NF1: variants seen among roughly 807,000 people sequenced by gnomAD.
NF1 encodes the protein neurofibromin.
Under a neutral mutation model 325.7 loss-of-function variants are expected in NF1, and 122 were observed. That is an observed-to-expected ratio of 0.37 (90% CI 0.32 to 0.44). The LOEUF (loss-of-function observed/expected upper bound fraction) is 0.44. NF1 is among the 20% of genes least tolerant of loss of function. The pLI is 1.00. For synonymous variants in NF1, 1,091 were observed against 1,186.0 expected, an observed-to-expected ratio of 0.92 and a Z score of 1.65; for missense variants, 2,140 against 3,415.4, an observed-to-expected ratio of 0.63 and a Z score of 9.31.
chr17:31,293,193 A>AAAAACAAAAAAAAAAAAAAAAAAAAAC (rs2068383253), intron 36 of NF1, among the ~76,000 whole-genome samples: 1 of 144,514 alleles, frequency 6.9e-6, no homozygotes. Flanking sequence ...AAAAAAAAAA[A>AAAAACAAAAAAAAAAAAAAAAAAAAAC]AAAAAAAAAA....
intron 56 of NF1, chr17:31,360,136 T>C (rs1293881180): frequency 2.9e-6 from 1 of 343,202 alleles, no homozygotes; most frequent in Middle Eastern, 1.0e-3. Context: ...GTCTAGTGAG[T>C]GGAATCTAAA....
At chr17:31,147,250 G>A (rs1916642145) in intron 1 of NF1, among the ~76,000 whole-genome samples, 2 of 152,084 alleles carry the variant, frequency 1.3e-5, no homozygotes, top group African/African-American at 4.8e-5. Flanking sequence ...CTGTTTTCCA[G>A]GGATCTATCC....
At chr17:31,280,848 T>G (rs1350662598) in intron 36 of NF1, among the ~76,000 whole-genome samples, 4 of 151,828 alleles carry the variant, frequency 2.6e-5, no homozygotes, top group Non-Finnish European at 5.9e-5. Context: ...TTTTTTTTTT[T>G]GCCATTTCTT....
At chr17:31,162,208 G>A (rs2065774435) in intron 3 of NF1, among the ~76,000 whole-genome samples, 1 of 152,080 alleles carries the variant, frequency 6.6e-6, no homozygotes, top group African/African-American at 2.4e-5. Flanking sequence ...CAGGCGTAGT[G>A]GCTCACGCCT....
chr17:31,346,729 CATT>C (rs1449920769), intron 48 of NF1, among the ~76,000 whole-genome samples: 1 of 150,276 alleles, frequency 6.7e-6, no homozygotes, highest in African/African-American at 2.4e-5. Flanking sequence ...GTCCACAGTT[CATT>C]TTTTTCCGGT....
intron 36 of NF1, among the ~76,000 whole-genome samples, chr17:31,303,050 A>G (rs111667381): frequency 0.018 from 2,743 of 152,286 alleles, 86 homozygotes; most frequent in African/African-American, 0.063. Flanking sequence ...CCTGTGTCCA[A>G]AACCCTACTG....
At chr17:31,200,748 C>T (rs1202476959) in intron 9 of NF1, among the ~76,000 whole-genome samples, 153 bp downstream of exon 9, 1 of 152,178 alleles carries the variant, frequency 6.6e-6, no homozygotes, top group Admixed American at 6.5e-5. Flanking sequence ...CTGTGTTCAT[C>T]AGCCTAAATG....
chr17:31,206,978 A>G (rs964051681), intron 12 of NF1, among the ~76,000 whole-genome samples: 42 of 152,212 alleles, frequency 2.8e-4, no homozygotes, highest in African/African-American at 9.6e-4. Context: ...ATGGAATTTT[A>G]AAACTCCTAT....
At position 31,201,431 on chromosome 17, in the gene NF1, A is replaced by G; in HGVS notation, c.1206A>G (p.Ser402=). ...TATAGATCTGCCTGGCTCAGAATTC[A>G]CCTTCTACATTTCACTATGTGCTGG... ...QHFKICLAQN[S]PSTFHYVLVN... is the part of the protein sequence containing the mutation. The change falls in exon 11 of 58, where the codon TCA becomes TCG. Residue 402 remains serine, a synonymous_variant. Transcript: ENST00000358273. 2.5e-6 allele frequency: 4 copies of G among 1,612,256 alleles called. No individual in the cohort carries two copies. Among genetic ancestry groups the G allele is most frequent in the Non-Finnish European group, 3.4e-6 (4 of 1,179,160 alleles).
chr17:31,197,292 C>T (rs552324711), intron 8 of NF1, among the ~76,000 whole-genome samples: 10 of 150,756 alleles, frequency 6.6e-5, no homozygotes, highest in South Asian at 4.2e-4. Context: ...GTGATCTGCC[C>T]GCCTCGACCT....
At chr17:31,344,156 T>G (rs993080617) in intron 48 of NF1, among the ~76,000 whole-genome samples, 1 of 152,242 alleles carries the variant, frequency 6.6e-6, no homozygotes, top group East Asian at 1.9e-4. Context: ...AACTTGTTTA[T>G]AGTTTATTGT....
At chr17:31,371,755 T>G (rs1241428489) in intron 57 of NF1, among the ~76,000 whole-genome samples, 2 of 152,236 alleles carry the variant, frequency 1.3e-5, no homozygotes, top group African/African-American at 4.8e-5. Context: ...TGGAGAAATG[T>G]CGCTGATGTT....
intron 39 of NF1, chr17:31,334,613 C>CA: frequency 2.0e-6 from 1 of 506,650 alleles, no homozygotes; most frequent in East Asian, 3.3e-5. Flanking sequence ...GAAAATAAGA[C>CA]AAAACTTTTC....
At chr17:31,147,730 T>A (rs2143572829) in intron 1 of NF1, among the ~76,000 whole-genome samples, 1 of 152,326 alleles carries the variant, frequency 6.6e-6, no homozygotes, top group South Asian at 2.1e-4. Context: ...CTGAGAACTG[T>A]ATTTACTAAG....
chr17:31,269,052 C>G (rs1006514351), intron 36 of NF1, among the ~76,000 whole-genome samples: 19 of 151,860 alleles, frequency 1.3e-4, no homozygotes, highest in African/African-American at 3.9e-4. Context: ...ATTACTATTA[C>G]GTACCTTGGC....
In NF1 at chr17:31,260,717, C is replaced by A. The variant is rs1370439941; in HGVS notation, c.4577+202C>A. ...AATAATCAACAAACCTACCTAGGTT[C>A]CAGTGGTCATTATTATTATTTTTTT... On this transcript the variant is annotated intron_variant, in intron 34 of 57. Transcript: ENST00000358273. Among the ~76,000 whole-genome samples, 2 of 152,048 alleles carry A rather than the reference C, an allele frequency of 1.3e-5. 1 individual carries two copies. The highest frequency in any genetic ancestry group is 2.9e-5 in the Non-Finnish European group (2 of 68,002).
intron 36 of NF1, chr17:31,304,341 A>AC: frequency 6.2e-7 from 1 of 1,614,152 alleles, no homozygotes; most frequent in Non-Finnish European, 8.5e-7. Flanking sequence ...AGAACTCCTG[A>AC]CACTGGATCT....
intron 1 of NF1, chr17:31,136,696 T>C (rs1915811149): frequency 6.6e-6 from 1 of 152,196 alleles, no homozygotes; most frequent in Admixed American, 6.5e-5. Flanking sequence ...TATATAGTAA[T>C]GGCCCCAAGG....
chr17:31,168,981 A>T lies in NF1; in HGVS notation c.480-910A>T, dbSNP rs17880295. On this transcript the variant is annotated intron_variant, in intron 4 of 57. Transcript: ENST00000358273. ...ATACAGTCCATGTAGGGAATGCAGG[A>T]TACAGACTTGACTTCCATTATTCGT... Among the ~76,000 whole-genome samples the T allele has an allele frequency of 7.8e-3, 1,189 of 152,268 alleles. 21 individuals are homozygous for T. Among genetic ancestry groups the T allele is most frequent in the African/African-American group, 0.027 (1,140 of 41,530 alleles).
Sources: gnomAD v4.1 joint callset for allele counts (sites outside exome capture counted in the v4.1 genomes callset) on GRCh38, gnomAD v4.1.1 for gene constraint, MANE v1.5 for transcripts, NCBI Gene and HGNC (gene_info 2026-07-23, HGNC 2026-07-21) for gene names.